The following MYT1 variants were observed in gnomAD, a reference collection of about 807,000 sequenced individuals.
MYT1 encodes the protein myelin transcription factor I.
In MYT1, 23 loss-of-function variants were observed where a neutral mutation model predicts 123.0. The ratio of observed to expected loss-of-function variants is 0.19; its 90% CI spans 0.13 to 0.26. MYT1 has a LOEUF of 0.26. MYT1 is among the 10% of genes least tolerant of loss of function. The probability of loss-of-function intolerance (pLI) is 1.00; values close to 1 mark genes in which losing one functional copy is unlikely to be tolerated. For missense variants in MYT1, 1,125 were observed against 1,472.5 expected, an observed-to-expected ratio of 0.76 and a Z score of 3.86; for synonymous variants, 518 against 575.3, an observed-to-expected ratio of 0.90 and a Z score of 1.43.
rs1272272754 is a variant in MYT1, at chr20:64,237,321, C to G, written c.3024C>G (p.Asn1008Lys). 1 of 1,611,150 alleles carries G rather than the reference C, an allele frequency of 6.2e-7. No homozygotes were observed. Among genetic ancestry groups the G allele is most frequent in the African/African-American group, 1.3e-5 (1 of 74,942 alleles). ...ATGATGAGGAGATCAAGCAGCTGAA[C>G]CAGGAGATCCGAGACCTGAACGAGT... ...LENDEEIKQL[N>K]QEIRDLNESN... The change falls in exon 21 of 23, where the codon AAC becomes AAG. Residue 1008 changes from asparagine to lysine, a missense_variant. Transcript: ENST00000328439.
intron 1 of MYT1, among the ~76,000 whole-genome samples, chr20:64,169,266 C>T (rs1188122472): frequency 6.6e-6 from 1 of 152,194 alleles, no homozygotes; most frequent in Non-Finnish European, 1.5e-5. Context: ...TCTCGGACCG[C>T]AAACTGACAG....
intron 4 of MYT1, 85 bp downstream of exon 4, chr20:64,200,007 C>G (rs1022914888): frequency 6.6e-7 from 1 of 1,522,026 alleles, no homozygotes; most frequent in Non-Finnish European, 9.1e-7. Context: ...ACGGGGTCTT[C>G]TTGGATTGAC....
chr20:64,222,404 G>T (rs527597578), intron 14 of MYT1, among the ~76,000 whole-genome samples: 3 of 152,352 alleles, frequency 2.0e-5, no homozygotes, highest in East Asian at 1.9e-4. Flanking sequence ...CCCTGAGGCC[G>T]CAGCTGGGCA....
At position 64,207,999 on chromosome 20, in the gene MYT1, A is replaced by C; in HGVS notation, c.803A>C (p.Glu268Ala). The C allele has an allele frequency of 6.3e-7, 1 of 1,594,834 alleles. No individual in the cohort carries two copies. Among genetic ancestry groups the C allele is most frequent in the Non-Finnish European group, 8.5e-7 (1 of 1,171,802 alleles). ...EEEDEEEEEEEEEEEEDEEEE... is the reference protein window; with the variant it reads ...EEEDEEEEEEAEEEEEDEEEE... ...GAGGACGAGGAGGAGGAGGAGGAGG[A>C]AGAGGAGGAGGAGGAGGATGAAGAA... The change falls in exon 7 of 23, where the codon GAA becomes GCA. Residue 268 changes from glutamate to alanine, a missense_variant. Glu to Ala is a moderately radical substitution (Grantham distance 107). Transcript: ENST00000328439.
rs139658307 is a variant in MYT1, at chr20:64,211,870, T to A, written c.1427-178T>A. ...TGACCAGGCTGAGGGTGGGGAGTTG[T>A]GTCTGCAGGCTCTTGGGGGCTGGAG... On this transcript the variant is annotated intron_variant, in intron 8 of 22. Transcript: ENST00000328439. Among the ~76,000 whole-genome samples, 1,375 of 152,038 alleles carry A rather than the reference T, an allele frequency of 9.0e-3. 13 individuals are homozygous for A. The highest frequency in any genetic ancestry group is 0.016 in the Admixed American group (237 of 15,290).
At chr20:64,219,059 T>G (rs1046542078) in intron 12 of MYT1, 24 bp downstream of exon 12, 2 of 1,593,494 alleles carry the variant, frequency 1.3e-6, no homozygotes, top group Non-Finnish European at 1.7e-6. Context: ...CCACAGAGCC[T>G]TTCTTGGGAG....
At chr20:64,223,014 GC>G in intron 14 of MYT1, 96 bp from the exon 15 acceptor site, 1 of 1,418,606 alleles carries the variant, frequency 7.0e-7, no homozygotes, top group Non-Finnish European at 9.9e-7. Flanking sequence ...TCGCGGGTGA[GC>G]CAGGAGTGGG....
At chr20:64,170,149 A>G (rs760982753) in intron 1 of MYT1, among the ~76,000 whole-genome samples, 1 of 151,840 alleles carries the variant, frequency 6.6e-6, no homozygotes, top group Non-Finnish European at 1.5e-5. Context: ...ATTCCCAAAC[A>G]TGCCTCCCTA....
At chr20:64,224,622 C>A (rs1277437818) in intron 16 of MYT1, among the ~76,000 whole-genome samples, 2 of 152,250 alleles carry the variant, frequency 1.3e-5, no homozygotes, top group Non-Finnish European at 2.9e-5. Context: ...CTTATTCATT[C>A]ATTCTGCCGC....
At chr20:64,179,141 A>G (rs1207903386) in intron 1 of MYT1, among the ~76,000 whole-genome samples, 13 of 136,582 alleles carry the variant, frequency 9.5e-5, no homozygotes, top group African/African-American at 2.5e-4. Context: ...GCTGTTATTC[A>G]GTGGGATACC....
intron 22 of MYT1, 84 bp from the exon 23 acceptor site, chr20:64,240,236 A>G (rs904855762): frequency 6.4e-7 from 1 of 1,557,658 alleles, no homozygotes; most frequent in African/African-American, 1.4e-5. Flanking sequence ...ACGTGGGGAC[A>G]TAGGTTTGAT....
At position 64,205,248 on chromosome 20, in the gene MYT1, G is replaced by A. The variant is rs78867263; in HGVS notation, c.149+151G>A. 2.0e-3 allele frequency: 1,988 copies of A among 977,802 alleles called. 25 individuals carry two copies. In the East Asian group the frequency reaches 0.029, roughly 14 times the overall value. 60.6% of individuals were successfully genotyped at this position (977,802 alleles called of 1,614,324 possible). On this transcript the variant is annotated intron_variant, in intron 5 of 22. Transcript: ENST00000328439. ...CGAGGCAGCGACCTCCCACTCTAGC[G>A]TGGAGATCTGTGTGGCCATGGGCGT...
Position 64,232,086 on chromosome 20 carries a change from T to G in MYT1, c.2676-78T>G, listed in dbSNP as rs1984336317. On this transcript the variant is annotated intron_variant, in intron 18 of 22. Coordinates refer to ENST00000328439, the MANE Select transcript of MYT1 (RefSeq NM_004535.3). The surrounding 1 kb of genome is among the most constrained non-coding windows in gnomAD (Gnocchi z 6.9). The stretch of plus-strand genomic sequence containing the variant: ...ACGGCTCTGAGTTGGGCTCCCCTTG[T>G]GTCTGGCTTGAGAGAGTCTCCAGGC... The G allele has an allele frequency of 2.0e-6, 3 of 1,466,122 alleles. No individual in the cohort carries two copies. The East Asian group carries it at 6.9e-5, about 34-fold the overall frequency. The allele number at this position is 1,466,122 out of a possible 1,614,324, so 90.8% of individuals were successfully genotyped here.
At chr20:64,215,158 C>G (rs968791501) in intron 10 of MYT1, among the ~76,000 whole-genome samples, 1 of 152,222 alleles carries the variant, frequency 6.6e-6, no homozygotes, top group African/African-American at 2.4e-5. Context: ...TCAATCCTTT[C>G]CCTCTTTGAT....
At chr20:64,209,520 C>T (rs767684068) in intron 7 of MYT1, among the ~76,000 whole-genome samples, 11 of 152,304 alleles carry the variant, frequency 7.2e-5, no homozygotes, top group Non-Finnish European at 1.2e-4. Context: ...TGGACGGGGG[C>T]AGTGGGAGTT....
rs760497325 is a variant in MYT1, at chr20:64,211,202, T to C, written c.1292-4T>C. The C allele has an allele frequency of 3.1e-6, 5 of 1,612,016 alleles. No individual in the cohort carries two copies. Among genetic ancestry groups the C allele is most frequent in the Non-Finnish European group, 3.4e-6 (4 of 1,178,708 alleles). ...CTCTAACTGATGTGACTTGTGTGTT[T>C]TAGATCCTTCAAGAGCTGAGAAGCG... On this transcript the variant is annotated splice_polypyrimidine_tract_variant and splice_region_variant and intron_variant, in intron 7 of 22. Coordinates refer to ENST00000328439, the MANE Select transcript of MYT1 (RefSeq NM_004535.3).
chr20:64,240,937 A>T lies in MYT1; in HGVS notation c.*489A>T, dbSNP rs11699386. 13,796 of 156,806 alleles carry T rather than the reference A, an allele frequency of 0.088. 798 individuals carry two copies. The highest frequency in any genetic ancestry group is 0.22 in the Middle Eastern group (66 of 298). The allele number at this position is 156,806 out of a possible 1,614,324, so 9.7% of individuals were successfully genotyped here. A position where few individuals can be genotyped will look rare whatever the true frequency, so the allele number is the denominator to read the frequency against. On this transcript the variant is annotated 3_prime_UTR_variant, in exon 23 of 23. Transcript: ENST00000328439. ...AAAGTGCGTTTTCTGTTTTCATTTA[A>T]TTCAGTTTTGTGTTAAGGGTGGAAC...
chr20:64,184,594 T>C (rs1396148514), intron 1 of MYT1, among the ~76,000 whole-genome samples: 2 of 152,238 alleles, frequency 1.3e-5, no homozygotes, highest in African/African-American at 4.8e-5. Flanking sequence ...AGAATTGTTT[T>C]GACTAGTCTA....
In MYT1 at chr20:64,185,374, G is replaced by A. The variant is rs1239019107; in HGVS notation, c.-98-4689G>A. ...ATGGAGGTGTGGGCTCCTCTCAAGT[G>A]ACTACCCTTCCCCTCTTTGCTGAGG... On this transcript the variant is annotated intron_variant, in intron 1 of 22. Coordinates refer to ENST00000328439, the MANE Select transcript of MYT1 (RefSeq NM_004535.3). The surrounding 1 kb of genome is among the most constrained non-coding windows in gnomAD (Gnocchi z 4.5). Among the ~76,000 whole-genome samples the A allele has an allele frequency of 6.6e-6, 1 of 152,128 alleles. No individual in the cohort carries two copies. The highest frequency in any genetic ancestry group is 1.5e-5 in the Non-Finnish European group (1 of 67,990).
Sources: allele counts gnomAD v4.1 joint callset (sites outside exome capture counted in the v4.1 genomes callset), GRCh38; gene constraint gnomAD v4.1.1; non-coding constraint Gnocchi (gnomAD v3.1); transcripts MANE v1.5; gene names NCBI Gene and HGNC (gene_info 2026-07-23, HGNC 2026-07-21).